Variants in GON4L observed in about 807,000 individuals in gnomAD.
The protein encoded by GON4L is GON-4-like protein.
In GON4L, 87 loss-of-function variants were observed where a neutral mutation model predicts 211.8. The ratio of observed to expected loss-of-function variants is 0.41; its 90% CI spans 0.35 to 0.49. GON4L has a LOEUF of 0.49. GON4L is among the 20% of genes least tolerant of loss of function. The pLI, the probability that GON4L is intolerant of heterozygous loss-of-function variation, is 0.15. For missense variants in GON4L, 2,155 were observed against 2,659.5 expected (o/e 0.81, Z 4.17); for synonymous variants, 875 against 962.6 (o/e 0.91, Z 1.68).
chr1:155,745,573 C>T (rs1660227300), downstream of GON4L, among the ~76,000 whole-genome samples: 1 of 152,262 alleles, frequency 6.6e-6, no homozygotes, highest in Non-Finnish European at 1.5e-5. Context: ...AGCGCCCACC[C>T]CGCTCCAGCG....
In GON4L at chr1:155,765,407, A is replaced by G. The variant is rs768996156; in HGVS notation, c.4066T>C (p.Leu1356=). ...DDIKVEHAVE[L]DTGAPSEELS... ...TCCTCGCTTGGGGCACCAGTGTCCAATTCCACAGCATGTTCCACTTTGATG... is the reference window on the plus strand; with the variant it reads ...TCCTCGCTTGGGGCACCAGTGTCCAGTTCCACAGCATGTTCCACTTTGATG... Residue 1356 remains leucine (L), a synonymous_variant, in exon 21 of 32, where the codon TTG becomes CTG. Transcript: ENST00000368331. 4 of 1,614,146 alleles carry G rather than the reference A, an allele frequency of 2.5e-6. No homozygotes were observed. The highest frequency in any genetic ancestry group is 3.4e-6 in the Non-Finnish European group (4 of 1,180,024).
At chr1:155,763,813 G>T (rs1172309918) in intron 21 of GON4L, among the ~76,000 whole-genome samples, 1 of 151,990 alleles carries the variant, frequency 6.6e-6, no homozygotes, top group African/African-American at 2.4e-5. Flanking sequence ...GACCAGCCTC[G>T]CCAACATGAT....
chr1:155,748,893 TAAAAAGGATAAAA>T, downstream of GON4L: 1 of 1,037,794 alleles, frequency 9.6e-7, no homozygotes, highest in Non-Finnish European at 1.4e-6. Context: ...CCCCACCCCT[TAAAAAGGATAAAA>T]AGAAGGGCTT....
At chr1:155,844,911 C>A (rs1671088498) in intron 2 of GON4L, among the ~76,000 whole-genome samples, 1 of 152,190 alleles carries the variant, frequency 6.6e-6, no homozygotes, top group Admixed American at 6.5e-5. Context: ...TAGATTGCAA[C>A]AATTTCCATG....
intron 17 of GON4L, among the ~76,000 whole-genome samples, chr1:155,774,030 T>C (rs1368004848): frequency 6.6e-6 from 1 of 152,122 alleles, no homozygotes; most frequent in Non-Finnish European, 1.5e-5. Context: ...GGATTTAAAA[T>C]AGAATCCAAA....
intron 2 of GON4L, among the ~76,000 whole-genome samples, chr1:155,851,519 C>G (rs1457527117): frequency 6.6e-6 from 1 of 151,594 alleles, no homozygotes; most frequent in African/African-American, 2.4e-5. Flanking sequence ...AGTTCAGGAC[C>G]AAGCTGGCTA....
rs1196518342 is a variant in GON4L, at chr1:155,777,651, T to G, written c.2062A>C (p.Arg688=). Residue 688 remains arginine, a synonymous_variant, in exon 15 of 32, where the codon AGG becomes CGG. Coordinates refer to ENST00000368331, the MANE Select transcript of GON4L (RefSeq NM_001282860.2). The stretch of plus-strand genomic sequence containing the variant: ...TGCATCTGCTGCTGGAGTCTCTTCC[T>G]CTGTGCTGGGTCCAGAATCAGAGTC... ...HQTLILDPAQ[R]KRLQQQMQQH... is the part of the protein sequence containing the mutation. 1.9e-6 allele frequency: 3 copies of G among 1,613,736 alleles called. No individual in the cohort carries two copies. The highest frequency in any genetic ancestry group is 1.7e-5 in the Admixed American group (1 of 59,972).
At chr1:155,831,161 T>C (rs1250749055) in intron 2 of GON4L, among the ~76,000 whole-genome samples, 1 of 152,080 alleles carries the variant, frequency 6.6e-6, no homozygotes, top group African/African-American at 2.4e-5. Context: ...TAGCCAGGCA[T>C]GGTGGTGCAC....
chr1:155,792,185 G>A (rs562987885), intron 12 of GON4L, among the ~76,000 whole-genome samples: 23 of 151,992 alleles, frequency 1.5e-4, no homozygotes, highest in African/African-American at 3.1e-4. Context: ...ATTCTCAAGC[G>A]GGCAAAAAAC....
chr1:155,830,855 A>C (rs973675185), intron 2 of GON4L, among the ~76,000 whole-genome samples: 1 of 152,146 alleles, frequency 6.6e-6, no homozygotes, highest in Non-Finnish European at 1.5e-5. Context: ...CCCAATGTAC[A>C]GGGATAGGTG....
chr1:155,755,288 C>G (rs574785957), intron 27 of GON4L, among the ~76,000 whole-genome samples: 1 of 152,008 alleles, frequency 6.6e-6, no homozygotes, highest in Non-Finnish European at 1.5e-5. Flanking sequence ...AGGCTGGTTT[C>G]GAACTCCTGA....
intron 31 of GON4L, among the ~76,000 whole-genome samples, chr1:155,751,527 C>G (rs1189369083): frequency 6.6e-6 from 1 of 152,010 alleles, no homozygotes; most frequent in African/African-American, 2.4e-5. Context: ...CCAGCCTAGG[C>G]GACAAGTGAA....
At chr1:155,806,197 T>C (rs1269162917) in intron 10 of GON4L, among the ~76,000 whole-genome samples, 10 of 149,896 alleles carry the variant, frequency 6.7e-5, no homozygotes, top group Admixed American at 1.3e-4. Flanking sequence ...CTGTCACCCA[T>C]TCTGGAGTGC....
intron 2 of GON4L, among the ~76,000 whole-genome samples, chr1:155,851,692 G>A (rs952016652): frequency 2.0e-5 from 3 of 151,854 alleles, no homozygotes; most frequent in African/African-American, 7.3e-5. Context: ...CTCCAGCCTG[G>A]GCGACAAAGC....
intron 2 of GON4L, chr1:155,833,063 G>A (rs555019615): frequency 6.6e-6 from 1 of 151,772 alleles, no homozygotes. Context: ...AAAGTGCAAA[G>A]TAGTATAATC....
At chr1:155,764,196 G>A (rs763301596) in intron 21 of GON4L, among the ~76,000 whole-genome samples, 1 of 151,776 alleles carries the variant, frequency 6.6e-6, no homozygotes, top group South Asian at 2.1e-4. Flanking sequence ...GTGGCTCACC[G>A]CAACCTCTGC....
At chr1:155,773,539 C>T (rs541692711) in intron 17 of GON4L, 3 of 278,452 alleles carry the variant, frequency 1.1e-5, no homozygotes, top group African/African-American at 4.4e-5. Flanking sequence ...CTCCTTCCCC[C>T]CTTAAATACT....
intron 19 of GON4L, among the ~76,000 whole-genome samples, chr1:155,770,196 A>G (rs986086731): frequency 2.6e-5 from 4 of 152,070 alleles, no homozygotes; most frequent in Non-Finnish European, 5.9e-5. Context: ...TGGGTAGCAG[A>G]GTAAGACCCT....
intron 17 of GON4L, chr1:155,773,412 A>G: frequency 3.4e-6 from 2 of 594,966 alleles, no homozygotes; most frequent in Non-Finnish European, 5.9e-6. Context: ...CAATGGCAAT[A>G]AAAGTTGACT....
Sources: allele counts gnomAD v4.1 joint callset (sites outside exome capture counted in the v4.1 genomes callset), GRCh38; gene constraint gnomAD v4.1.1; transcripts MANE v1.5; gene names NCBI Gene and HGNC (gene_info 2026-07-23, HGNC 2026-07-21).